CACUL1: variants seen among roughly 807,000 people sequenced by gnomAD.
CACUL1 encodes the protein CDK2 associated cullin domain 1, also known as CDK2-associated and cullin domain-containing protein 1.
A neutral mutation model predicts 45.2 loss-of-function variants in CACUL1; 13 were observed. The ratio of observed to expected loss-of-function variants is 0.29; its 90% CI spans 0.19 to 0.46. The LOEUF (loss-of-function observed/expected upper bound fraction) is 0.46, where lower values mean the gene tolerates loss of function less well. Among genes scored for constraint, CACUL1 ranks in the 20% least tolerant of loss-of-function variants. CACUL1 has a pLI of 1.00. For missense variants in CACUL1, 421 were observed against 471.4 expected (o/e 0.89, Z 0.99); for synonymous variants, 197 against 174.2 (o/e 1.13, Z -1.03).
Position 118,679,987 on chromosome 10 carries a change from T to C in CACUL1, c.*6141A>G, listed in dbSNP as rs1473806497. 6 of 152,218 alleles carry C rather than the reference T, an allele frequency of 3.9e-5. No individual in the cohort carries two copies. Among genetic ancestry groups the C allele is most frequent in the South Asian group, 4.1e-4 (2 of 4,824 alleles). 9.4% of individuals were successfully genotyped at this position (152,218 alleles called of 1,614,324 possible). ...GTATACTATTAGACATGTAGGTACA[T>C]TACTAGAAAGTTTTGAATTGTTATG... On this transcript the variant is annotated 3_prime_UTR_variant, in exon 9 of 9. Coordinates refer to ENST00000369151, the MANE Select transcript of CACUL1 (RefSeq NM_153810.5).
In CACUL1 at chr10:118,682,782, T is replaced by G. The variant is rs888874605; in HGVS notation, c.*3346A>C. On this transcript the variant is annotated 3_prime_UTR_variant, in exon 9 of 9. Transcript: ENST00000369151. ...GTGAGCACTGGAGATGGATGTGCAG[T>G]GTGCAGTGTTCACAGCCATGGACAT... 3.3e-5 allele frequency: 5 copies of G among 152,670 alleles called. No homozygotes were observed. Among genetic ancestry groups the G allele is most frequent in the Admixed American group, 3.3e-4 (5 of 15,286 alleles). The allele number at this position is 152,670 out of a possible 1,614,324, so 9.5% of individuals were successfully genotyped here.
chr10:118,732,251 A>G (rs1485633445), intron 1 of CACUL1, among the ~76,000 whole-genome samples: 1 of 152,228 alleles, frequency 6.6e-6, no homozygotes, highest in African/African-American at 2.4e-5. Context: ...GATTTTGAAG[A>G]TATTTTAAAA....
intron 3 of CACUL1, among the ~76,000 whole-genome samples, chr10:118,711,564 C>T (rs78269482): frequency 3.3e-5 from 5 of 152,054 alleles, no homozygotes; most frequent in South Asian, 2.1e-4. Flanking sequence ...AGAAGTATTA[C>T]GTGAAAAAAA....
intron 1 of CACUL1, 28 bp from the exon 2 acceptor site, chr10:118,730,438 A>G (rs1355473989): frequency 4.5e-6 from 7 of 1,571,632 alleles, no homozygotes; most frequent in Non-Finnish European, 6.1e-6. Flanking sequence ...AATAAATATT[A>G]CTACGTGCCA....
chr10:118,702,432 C>G (rs929803762), intron 4 of CACUL1, among the ~76,000 whole-genome samples: 1 of 152,178 alleles, frequency 6.6e-6, no homozygotes, highest in African/African-American at 2.4e-5. Context: ...ACCACAGATT[C>G]AACCAACCCT....
chr10:118,697,581 C>T (rs998405020), intron 5 of CACUL1, among the ~76,000 whole-genome samples: 5 of 152,384 alleles, frequency 3.3e-5, no homozygotes, highest in African/African-American at 1.2e-4. Flanking sequence ...CTCAGTGCTA[C>T]ACACTTGCTC....
At chr10:118,713,559 ATT>A (rs1353491097) in intron 3 of CACUL1, among the ~76,000 whole-genome samples, 1 of 152,246 alleles carries the variant, frequency 6.6e-6, no homozygotes, top group African/African-American at 2.4e-5. Flanking sequence ...GATTCCCTGA[ATT>A]TTGTAATATA....
At chr10:118,697,282 A>T (rs1423043755) in intron 5 of CACUL1, among the ~76,000 whole-genome samples, 2 of 152,240 alleles carry the variant, frequency 1.3e-5, no homozygotes, top group African/African-American at 4.8e-5. Flanking sequence ...ATAAAAACTC[A>T]TCACTGAATA....
intron 5 of CACUL1, among the ~76,000 whole-genome samples, chr10:118,700,712 G>C (rs1186939629): frequency 4.6e-5 from 2 of 43,220 alleles, no homozygotes; most frequent in Admixed American, 3.1e-4. Flanking sequence ...GCGAGACTCC[G>C]TCTCAAAAAA....
rs1447694475 is a variant in CACUL1, at chr10:118,680,365, CAG to C, written c.*5761_*5762del. 6.6e-6 allele frequency: 1 copy of C among 152,100 alleles called. No individual in the cohort carries two copies. The highest frequency in any genetic ancestry group is 1.5e-5 in the Non-Finnish European group (1 of 68,018). 9.4% of individuals were successfully genotyped at this position (152,100 alleles called of 1,614,324 possible). Reference sequence around the variant, plus strand: ...GCAGGGGAGTGAAAATGGAAATTGTCAGAGTCACTGAATTCTGCCACATGTGA... The same window carrying C: ...GCAGGGGAGTGAAAATGGAAATTGTCAGTCACTGAATTCTGCCACATGTGA... On this transcript the variant is annotated 3_prime_UTR_variant, in exon 9 of 9. Transcript: ENST00000369151.
intron 1 of CACUL1, among the ~76,000 whole-genome samples, chr10:118,749,074 ACTGTGCT>A (rs1434359559): frequency 6.6e-6 from 1 of 152,202 alleles, no homozygotes; most frequent in Admixed American, 6.5e-5. Flanking sequence ...TACTCCCTGA[ACTGTGCT>A]CTGAGAAGGT....
chr10:118,724,912 T>C (rs895664022), intron 3 of CACUL1, among the ~76,000 whole-genome samples: 3 of 152,222 alleles, frequency 2.0e-5, no homozygotes, highest in Admixed American at 1.3e-4. Context: ...ATCTATAAGA[T>C]GAAATTCAAA....
At chr10:118,686,867 T>C (rs1786336420) in intron 7 of CACUL1, 7 of 504,588 alleles carry the variant, frequency 1.4e-5, no homozygotes, top group Non-Finnish European at 2.4e-5. Context: ...CAAACACCTA[T>C]GAAAGTTCTA....
intron 3 of CACUL1, among the ~76,000 whole-genome samples, chr10:118,723,222 C>T (rs577847695): frequency 6.6e-6 from 1 of 152,122 alleles, no homozygotes; most frequent in East Asian, 1.9e-4. Flanking sequence ...TAAAATTATT[C>T]CATTTTTTCC....
At chr10:118,715,428 C>T (rs1845532873) in intron 3 of CACUL1, among the ~76,000 whole-genome samples, 1 of 152,186 alleles carries the variant, frequency 6.6e-6, no homozygotes, top group African/African-American at 2.4e-5. Context: ...AATAATTTTA[C>T]TAGTCAAGAG....
chr10:118,701,301 CT>C lies in CACUL1; in HGVS notation c.796+4del. On this transcript the variant is annotated splice_donor_region_variant and intron_variant, in intron 5 of 8. Coordinates refer to ENST00000369151, the MANE Select transcript of CACUL1 (RefSeq NM_153810.5). ...TATCTCACCCGTATAAGCTGAATTA[CT>C]TACGCATTAGGCTGTAAATGTGCTT... The C allele has an allele frequency of 6.7e-7, 1 of 1,489,954 alleles. No homozygotes were observed. The highest frequency in any genetic ancestry group is 9.2e-7 in the Non-Finnish European group (1 of 1,087,454). 92.3% of individuals were successfully genotyped at this position (1,489,954 alleles called of 1,614,324 possible). A position where few individuals can be genotyped will look rare whatever the true frequency, so the allele number is the denominator to read the frequency against.
Position 118,676,500 on chromosome 10 carries a change from AAGCAC to A in CACUL1, c.*9623_*9627del, listed in dbSNP as rs1177791322. ...GATGGAACTCAAAAATATTTTCAGT[AAGCAC>A]AGCCATATTTGGATCCACAGATCTT... is the stretch of plus-strand genomic sequence containing the variant. On this transcript the variant is annotated 3_prime_UTR_variant, in exon 9 of 9. Transcript: ENST00000369151. 1 of 152,242 alleles carries A rather than the reference AAGCAC, an allele frequency of 6.6e-6. No homozygotes were observed. Among genetic ancestry groups the A allele is most frequent in the African/African-American group, 2.4e-5 (1 of 41,468 alleles). The allele number at this position is 152,242 out of a possible 1,614,324, so 9.4% of individuals were successfully genotyped here. A position where few individuals can be genotyped will look rare whatever the true frequency, so the allele number is the denominator to read the frequency against.
At chr10:118,693,179 T>C (rs1180359969) in intron 6 of CACUL1, 2 of 152,276 alleles carry the variant, frequency 1.3e-5, no homozygotes, top group Non-Finnish European at 2.9e-5. Context: ...AATCTAGAGT[T>C]TAAAAAGCCT....
chr10:118,720,058 T>G (rs1481117873), intron 3 of CACUL1, among the ~76,000 whole-genome samples: 1 of 152,196 alleles, frequency 6.6e-6, no homozygotes, highest in Non-Finnish European at 1.5e-5. Context: ...ATAGAAGATA[T>G]TTCTCTTTTC....
Sources: gnomAD v4.1 joint callset for allele counts (sites outside exome capture counted in the v4.1 genomes callset) on GRCh38, gnomAD v4.1.1 for gene constraint, MANE v1.5 for transcripts, NCBI Gene and HGNC (gene_info 2026-07-23, HGNC 2026-07-21) for gene names.